GOLPH3: variants seen among roughly 807,000 people sequenced by gnomAD.
GOLPH3 encodes golgi phosphoprotein 3, also known as coat protein GPP34.
GOLPH3 carries 14 observed loss-of-function variants against 28.5 expected under a neutral mutation model. The observed-to-expected ratio is 0.49, with a 90% confidence interval of 0.32 to 0.77. GOLPH3 has a LOEUF of 0.77. GOLPH3 is among the 30% of genes least tolerant of loss of function. The pLI, the probability that GOLPH3 is intolerant of heterozygous loss-of-function variation, is 0.03. For synonymous variants in GOLPH3, 158 were observed against 159.2 expected (o/e 0.99, Z 0.06); for missense variants, 350 against 393.7 (o/e 0.89, Z 0.94).
In GOLPH3 at chr5:32,170,506, A is replaced by C. The variant is rs141867114; in HGVS notation, c.225+3304T>G. On this transcript the variant is annotated intron_variant, in intron 1 of 3. Transcript: ENST00000265070. ...TGCTGAAGTAAAAATCAGTTAAAGCAATGAGTTAGCATAAACGCCTGGGCT... is the reference window on the plus strand; with the variant it reads ...TGCTGAAGTAAAAATCAGTTAAAGCCATGAGTTAGCATAAACGCCTGGGCT... Among the ~76,000 whole-genome samples the C allele has an allele frequency of 9.8e-4, 150 of 152,372 alleles. 2 individuals carry two copies. The East Asian group carries it at 0.024, about 25-fold the overall frequency.
At chr5:32,134,645 T>A (rs982265058) in intron 3 of GOLPH3, 12 of 152,070 alleles carry the variant, frequency 7.9e-5, no homozygotes, top group Non-Finnish European at 1.2e-4. Context: ...TTATAGTGAG[T>A]TAGGATCATG....
intron 3 of GOLPH3, among the ~76,000 whole-genome samples, chr5:32,130,691 T>C (rs1250499851): frequency 1.3e-5 from 2 of 151,864 alleles, no homozygotes; most frequent in Non-Finnish European, 2.9e-5. Flanking sequence ...AGCTTTCCAC[T>C]CCCCACCCAA....
At chr5:32,148,982 A>C (rs1322780336) in intron 1 of GOLPH3, among the ~76,000 whole-genome samples, 1 of 152,168 alleles carries the variant, frequency 6.6e-6, no homozygotes, top group Non-Finnish European at 1.5e-5. Flanking sequence ...TCTCAAAAAA[A>C]AAGAAAAAAA....
intron 1 of GOLPH3, among the ~76,000 whole-genome samples, chr5:32,171,672 G>T (rs1468340015): frequency 1.3e-5 from 2 of 152,010 alleles, no homozygotes; most frequent in African/African-American, 2.4e-5. Flanking sequence ...TTATGGCCGG[G>T]CGTGGTGGCT....
intron 1 of GOLPH3, among the ~76,000 whole-genome samples, chr5:32,164,447 G>T (rs1466923238): frequency 6.6e-6 from 1 of 151,616 alleles, no homozygotes; most frequent in Non-Finnish European, 1.5e-5. Context: ...AGGCTGGAGT[G>T]CAGTGGCGCG....
At chr5:32,158,174 C>CACTG (rs1491510840) in intron 1 of GOLPH3, among the ~76,000 whole-genome samples, 8 of 139,116 alleles carry the variant, frequency 5.8e-5, no homozygotes, top group Non-Finnish European at 9.3e-5. Context: ...CACACACACA[C>CACTG]GGCAAAATCA....
intron 1 of GOLPH3, among the ~76,000 whole-genome samples, chr5:32,154,414 G>A (rs1160386305): frequency 6.6e-6 from 1 of 152,182 alleles, no homozygotes; most frequent in Admixed American, 6.5e-5. Context: ...TTCCAATGTA[G>A]TAGTGAGCAA....
intron 1 of GOLPH3, among the ~76,000 whole-genome samples, chr5:32,164,823 AT>A (rs1270277055): frequency 1.3e-5 from 2 of 151,928 alleles, no homozygotes; most frequent in Non-Finnish European, 2.9e-5. Context: ...CAGTAAATGT[AT>A]TAAGTAAATT....
rs188151323 is a variant in GOLPH3 at position 32,172,870 on chromosome 5, T to C, written c.225+940A>G. ...GAGCGAAACTCCGTCTCCACATAAATAAATAATCATTTTTGTAGGCAAATA... is the reference window on the plus strand; with the variant it reads ...GAGCGAAACTCCGTCTCCACATAAACAAATAATCATTTTTGTAGGCAAATA... On this transcript the variant is annotated intron_variant, in intron 1 of 3. Transcript: ENST00000265070. 1.1e-3 allele frequency among the ~76,000 whole-genome samples: 162 copies of C among 152,302 alleles called. 1 individual carries two copies. The highest frequency in any genetic ancestry group is 3.8e-3 in the African/African-American group (158 of 41,570).
chr5:32,161,475 C>G (rs1339357827), intron 1 of GOLPH3, among the ~76,000 whole-genome samples: 3 of 148,416 alleles, frequency 2.0e-5, no homozygotes, highest in East Asian at 2.0e-4. Flanking sequence ...GTGGAGAGAA[C>G]TGCTGACCAC....
rs757528581 is a variant in GOLPH3, at chr5:32,171,489, G to GTT, written c.225+2319_225+2320dup. ...CAGAACACCAAAAGCTTATTTTTTAGTTTTTTTTTTTTCAGGTTTTTGTTT... is the reference window on the plus strand; with the variant it reads ...CAGAACACCAAAAGCTTATTTTTTAGTTTTTTTTTTTTTTCAGGTTTTTGTTT... On this transcript the variant is annotated intron_variant, in intron 1 of 3. Transcript: ENST00000265070. Among the ~76,000 whole-genome samples, 1,426 of 143,510 alleles carry GTT rather than the reference G, an allele frequency of 9.9e-3. 23 individuals carry two copies. Among genetic ancestry groups the GTT allele is most frequent in the African/African-American group, 0.035 (1,384 of 39,584 alleles). 94.1% of individuals were successfully genotyped at this position (143,510 alleles called of 152,430 possible).
At chr5:32,131,253 T>C (rs775730163) in intron 3 of GOLPH3, among the ~76,000 whole-genome samples, 9 of 152,194 alleles carry the variant, frequency 5.9e-5, no homozygotes, top group Non-Finnish European at 1.0e-4. Context: ...ATAGTATTTG[T>C]GGTATAGAAA....
At chr5:32,149,762 C>T (rs1380820051) in intron 1 of GOLPH3, among the ~76,000 whole-genome samples, 1 of 152,064 alleles carries the variant, frequency 6.6e-6, no homozygotes, top group Non-Finnish European at 1.5e-5. Flanking sequence ...TTTAAGAGGC[C>T]GAGGCGGGCA....
intron 1 of GOLPH3, 116 bp downstream of exon 1, chr5:32,173,694 A>T: frequency 4.4e-6 from 3 of 681,216 alleles, no homozygotes; most frequent in Non-Finnish European, 6.2e-6. Flanking sequence ...CGGACTTCGG[A>T]GCGAGGGCAG....
intron 1 of GOLPH3, among the ~76,000 whole-genome samples, chr5:32,164,494 C>T (rs1279686626): frequency 6.6e-6 from 1 of 151,470 alleles, no homozygotes; most frequent in Non-Finnish European, 1.5e-5. Flanking sequence ...CCCGGGTTCA[C>T]GCCATTCTCC....
intron 3 of GOLPH3, among the ~76,000 whole-genome samples, chr5:32,130,716 C>T (rs1745809757): frequency 6.6e-6 from 1 of 152,216 alleles, no homozygotes; most frequent in African/African-American, 2.4e-5. Context: ...AACACCCCCT[C>T]CCCTATACAC....
At chr5:32,142,988 G>C (rs1746113017) in intron 2 of GOLPH3, among the ~76,000 whole-genome samples, 2 of 152,184 alleles carry the variant, frequency 1.3e-5, no homozygotes, top group African/African-American at 2.4e-5. Flanking sequence ...TGATGACAAG[G>C]GCGGTTTTGT....
intron 1 of GOLPH3, among the ~76,000 whole-genome samples, chr5:32,167,721 C>A (rs537009900): frequency 6.6e-6 from 1 of 152,064 alleles, no homozygotes; most frequent in African/African-American, 2.4e-5. Flanking sequence ...GAGGCCAAGG[C>A]GGGAAGATTG....
rs1176440298 is a variant in GOLPH3, at chr5:32,126,324, T to C, written c.785A>G (p.Asp262Gly). 1 of 1,613,998 alleles carries C rather than the reference T, an allele frequency of 6.2e-7. No individual in the cohort carries two copies. Among genetic ancestry groups the C allele is most frequent in the African/African-American group, 1.3e-5 (1 of 74,908 alleles). ...CTGCCGCACTCTCTTGGTAGCCAAA[T>C]CATACTGCTCGTCCAGAAGAGGAGC... ...AFAPLLDEQY[D>G]LATKRVRQLL... The change falls in exon 4 of 4, where the codon GAT becomes GGT. Residue 262 changes from aspartate (D) to glycine (G), a missense_variant. Asp to Gly is a moderately conservative substitution (Grantham distance 94). Transcript: ENST00000265070.
Sources: gnomAD v4.1 joint callset for allele counts (sites outside exome capture counted in the v4.1 genomes callset) on GRCh38, gnomAD v4.1.1 for gene constraint, MANE v1.5 for transcripts, NCBI Gene and HGNC (gene_info 2026-07-23, HGNC 2026-07-21) for gene names.